The following PPARG variants were observed in gnomAD, a reference collection of about 807,000 sequenced individuals.
PPARG encodes the protein peroxisome proliferator activated receptor gamma, also known as peroxisome proliferator-activated receptor gamma.
Under a neutral mutation model 39.2 loss-of-function variants are expected in PPARG, and 17 were observed. The ratio of observed to expected loss-of-function variants is 0.43; its 90% confidence interval spans 0.30 to 0.65. PPARG has a LOEUF of 0.65. Ranked by LOEUF, PPARG falls within the 30% of genes least tolerant of loss-of-function variation. The probability of loss-of-function intolerance (pLI) is 0.13; values close to 1 mark genes in which losing one functional copy is unlikely to be tolerated. For missense variants in PPARG, 406 were observed against 585.9 expected, an observed-to-expected ratio of 0.69 and a Z score of 3.17; for synonymous variants, 223 against 215.7, an observed-to-expected ratio of 1.03 and a Z score of -0.30.
At chr3:12,344,018 AC>A (rs1327515218) in intron 2 of PPARG, among the ~76,000 whole-genome samples, 2 of 150,854 alleles carry the variant, frequency 1.3e-5, no homozygotes, top group Non-Finnish European at 2.9e-5. Context: ...GTGCCATCAC[AC>A]CCAGCTCATT....
chr3:12,400,280 G>A (rs1433599124), intron 5 of PPARG, among the ~76,000 whole-genome samples: 1 of 152,086 alleles, frequency 6.6e-6, no homozygotes, highest in Non-Finnish European at 1.5e-5. Context: ...TCTACAATTA[G>A]GTAGATGTTT....
At chr3:12,395,564 A>G (rs899110046) in intron 5 of PPARG, among the ~76,000 whole-genome samples, 6 of 152,234 alleles carry the variant, frequency 3.9e-5, no homozygotes, top group Non-Finnish European at 4.4e-5. Flanking sequence ...AGAAGAACAT[A>G]GTTTCAGAAT....
At chr3:12,296,145 G>C (rs897229237) in intron 1 of PPARG, among the ~76,000 whole-genome samples, 2 of 150,420 alleles carry the variant, frequency 1.3e-5, no homozygotes, top group South Asian at 2.1e-4. Context: ...CCAGCTACTC[G>C]GGTGACTGAG....
At chr3:12,296,568 T>G (rs1283097200) in intron 1 of PPARG, among the ~76,000 whole-genome samples, 2 of 152,134 alleles carry the variant, frequency 1.3e-5, no homozygotes, top group East Asian at 3.9e-4. Context: ...CCTATCTCTC[T>G]CCACTCATAG....
intron 2 of PPARG, among the ~76,000 whole-genome samples, chr3:12,315,462 C>T (rs1022023611): frequency 2.0e-5 from 3 of 152,138 alleles, no homozygotes; most frequent in African/African-American, 7.2e-5. Flanking sequence ...GTAGGAACTC[C>T]CTCCACTATC....
intron 4 of PPARG, among the ~76,000 whole-genome samples, chr3:12,384,189 T>C (rs1002216435): frequency 6.6e-6 from 1 of 152,138 alleles, no homozygotes; most frequent in African/African-American, 2.4e-5. Context: ...ATATACTACT[T>C]AATATAAAGA....
At chr3:12,373,827 T>G (rs545761494) in intron 2 of PPARG, among the ~76,000 whole-genome samples, 1 of 152,032 alleles carries the variant, frequency 6.6e-6, no homozygotes, top group African/African-American at 2.4e-5. Context: ...GAGAATGGAG[T>G]GTTTTTAAGT....
chr3:12,421,969 A>G (rs975044775), intron 7 of PPARG, among the ~76,000 whole-genome samples: 1 of 152,064 alleles, frequency 6.6e-6, no homozygotes. Context: ...AATTGTTCTC[A>G]TTGCTATGCA....
intron 7 of PPARG, among the ~76,000 whole-genome samples, chr3:12,422,311 G>T (rs1211689438): frequency 6.6e-6 from 1 of 152,150 alleles, no homozygotes; most frequent in Non-Finnish European, 1.5e-5. Context: ...CTACATGGCT[G>T]CATACATGGT....
intron 6 of PPARG, among the ~76,000 whole-genome samples, chr3:12,415,110 A>G (rs1400085295): frequency 6.6e-6 from 1 of 152,124 alleles, no homozygotes. Flanking sequence ...CTCTCCTTTC[A>G]GGAGAGAATT....
At chr3:12,294,775 C>A (rs2046735586) in intron 1 of PPARG, among the ~76,000 whole-genome samples, 1 of 152,100 alleles carries the variant, frequency 6.6e-6, no homozygotes. Flanking sequence ...TGCCTTTAAT[C>A]CCAGCTACTC....
At chr3:12,416,399 A>G (rs1418320609) in intron 6 of PPARG, among the ~76,000 whole-genome samples, 1 of 146,506 alleles carries the variant, frequency 6.8e-6, no homozygotes, top group Non-Finnish European at 1.5e-5. Context: ...AACAAATAAT[A>G]TAAAAATCAA....
chr3:12,353,102 G>A (rs4135304), intron 2 of PPARG, among the ~76,000 whole-genome samples: 18,173 of 152,152 alleles, frequency 0.12, 3,601 homozygotes, highest in African/African-American at 0.41. Context: ...ATTCAAGTTA[G>A]TTTTCATTCT....
chr3:12,355,654 A>G (rs553001902), intron 2 of PPARG, among the ~76,000 whole-genome samples: 1 of 152,282 alleles, frequency 6.6e-6, no homozygotes, highest in East Asian at 1.9e-4. Flanking sequence ...CATTTGTCTC[A>G]TACTTTCCTC....
chr3:12,384,176 G>A (rs1043997220), intron 4 of PPARG, among the ~76,000 whole-genome samples: 2 of 151,958 alleles, frequency 1.3e-5, no homozygotes, highest in African/African-American at 4.8e-5. Context: ...TAAACATTTA[G>A]TAATATACTA....
intron 2 of PPARG, among the ~76,000 whole-genome samples, chr3:12,346,120 G>A (rs1559501556): frequency 1.3e-5 from 2 of 152,168 alleles, no homozygotes; most frequent in East Asian, 1.9e-4. Flanking sequence ...CCTAGAAAGT[G>A]GTTAAACAGG....
At position 12,405,977 on chromosome 3, in the gene PPARG, C is replaced by G; in HGVS notation, c.625C>G (p.Leu209Val). 1 of 1,614,188 alleles carries G rather than the reference C, an allele frequency of 6.2e-7. No homozygotes were observed. Among genetic ancestry groups the G allele is most frequent in the Non-Finnish European group, 8.5e-7 (1 of 1,180,028 alleles). Residue 209 changes from leucine to valine, a missense_variant, in exon 6 of 8, where the codon CTC (leucine) becomes GTC (valine). By Grantham distance (32) the Leu-to-Val change is conservative. Coordinates refer to ENST00000651735, the MANE Select transcript of PPARG (RefSeq NM_138711.6). ...CCAGCTGAATCCAGAGTCCGCTGAC[C>G]TCCGGGCCCTGGCAAAACATTTGTA... ...IDQLNPESAD[L>V]RALAKHLYDS...
In PPARG at chr3:12,434,271, C is replaced by G; in HGVS notation, c.*126C>G. Reference sequence around the variant, plus strand: ...AAAAGAAAAGGTTTTAGAATATGATCTATTTTATGCATATTGTTTATAAAG... The same window carrying G: ...AAAAGAAAAGGTTTTAGAATATGATGTATTTTATGCATATTGTTTATAAAG... On this transcript the variant is annotated 3_prime_UTR_variant, in exon 8 of 8. Coordinates refer to ENST00000651735, the MANE Select transcript of PPARG (RefSeq NM_138711.6). The surrounding 1 kb of genome is among the most constrained non-coding windows in gnomAD (Gnocchi z 4.2). 8.5e-7 allele frequency: 1 copy of G among 1,182,972 alleles called. No homozygotes were observed. The highest frequency in any genetic ancestry group is 1.5e-5 in the African/African-American group (1 of 65,442). 73.3% of individuals were successfully genotyped at this position (1,182,972 alleles called of 1,614,324 possible).
intron 7 of PPARG, among the ~76,000 whole-genome samples, chr3:12,432,058 C>T (rs932280045): frequency 1.4e-4 from 22 of 152,162 alleles, no homozygotes; most frequent in African/African-American, 5.3e-4. Flanking sequence ...TAGTAGAAAG[C>T]CTGAATAGAT....
Sources: allele counts gnomAD v4.1 joint callset (sites outside exome capture counted in the v4.1 genomes callset), GRCh38; gene constraint gnomAD v4.1.1; non-coding constraint Gnocchi (gnomAD v3.1); transcripts MANE v1.5; gene names NCBI Gene and HGNC (gene_info 2026-07-23, HGNC 2026-07-21).